The following SPIRE1 variants were observed in gnomAD, a reference collection of about 807,000 sequenced individuals.
The protein encoded by SPIRE1 is protein spire homolog 1.
A neutral mutation model predicts 94.1 loss-of-function variants in SPIRE1; 40 were observed. That is an observed-to-expected ratio of 0.43 (90% CI 0.33 to 0.55). The LOEUF is 0.55. Among genes scored for constraint, SPIRE1 ranks in the 20% least tolerant of loss-of-function variants. SPIRE1 has a pLI of 0.06. For missense variants in SPIRE1, 838 were observed against 975.2 expected, an observed-to-expected ratio of 0.86 and a Z score of 1.87; for synonymous variants, 376 against 371.7, an observed-to-expected ratio of 1.01 and a Z score of -0.13.
chr18:12,479,174 TTC>T (rs2032746562), intron 10 of SPIRE1, among the ~76,000 whole-genome samples: 1 of 146,520 alleles, frequency 6.8e-6, no homozygotes, highest in Non-Finnish European at 1.5e-5. Flanking sequence ...TTTTTTCTTT[TTC>T]TTTTTTTTTT....
intron 2 of SPIRE1, among the ~76,000 whole-genome samples, chr18:12,591,529 G>C (rs767039576): frequency 1.1e-4 from 16 of 152,200 alleles, no homozygotes; most frequent in Admixed American, 3.9e-4. Flanking sequence ...ATAGACTCTA[G>C]TAGAGTAAGG....
chr18:12,513,489 C>CTTTATTTA (rs10580270), intron 4 of SPIRE1, among the ~76,000 whole-genome samples: 37 of 142,928 alleles, frequency 2.6e-4, no homozygotes, highest in African/African-American at 6.7e-4. Flanking sequence ...GAATACTTAA[C>CTTTATTTA]TTTATTTATT....
intron 5 of SPIRE1, among the ~76,000 whole-genome samples, chr18:12,507,725 A>G (rs1057174489): frequency 3.8e-4 from 57 of 151,976 alleles, no homozygotes; most frequent in African/African-American, 1.4e-3. Flanking sequence ...ACATAAAATA[A>G]TACAAAATCT....
intron 2 of SPIRE1, among the ~76,000 whole-genome samples, chr18:12,581,169 C>A (rs1244464677): frequency 1.3e-5 from 2 of 152,004 alleles, no homozygotes; most frequent in Non-Finnish European, 2.9e-5. Flanking sequence ...ACCGGCAATC[C>A]CCAAGAAAGG....
intron 12 of SPIRE1, among the ~76,000 whole-genome samples, chr18:12,460,605 G>A (rs2031746034): frequency 6.6e-6 from 1 of 152,028 alleles, no homozygotes; most frequent in Non-Finnish European, 1.5e-5. Context: ...CCAACTACTT[G>A]GGAGGCTGAG....
intron 9 of SPIRE1, among the ~76,000 whole-genome samples, chr18:12,482,508 T>A (rs2032880481): frequency 6.6e-6 from 1 of 152,124 alleles, no homozygotes; most frequent in African/African-American, 2.4e-5. Flanking sequence ...AGAAAAAAAA[T>A]ACTGTATTTT....
chr18:12,485,974 T>A lies in SPIRE1; in HGVS notation c.1216A>T (p.Ser406Cys). 6.6e-7 allele frequency: 1 copy of A among 1,525,172 alleles called. No homozygotes were observed. The highest frequency in any genetic ancestry group is 8.8e-7 in the Non-Finnish European group (1 of 1,140,178). The allele number at this position is 1,525,172 out of a possible 1,614,324, so 94.5% of individuals were successfully genotyped here. Residue 406 changes from serine to cysteine, a missense_variant, in exon 9 of 17, where the codon AGT becomes TGT. This residue lies in a region of SPIRE1 where 645 missense variants were observed against 804.7 expected (regional missense o/e 0.80). Transcript: ENST00000409402. Reference protein sequence around the residue: ...LAMRPLSMSYSFDLSDVTTPE... With the variant: ...LAMRPLSMSYCFDLSDVTTPE... ...TTTTTTTTACCTGACAAGTCAAAAC[T>A]GTAAGACATGCTAAGTGGCCGCATT...
intron 2 of SPIRE1, among the ~76,000 whole-genome samples, chr18:12,630,453 G>T (rs766049770): frequency 6.6e-6 from 1 of 152,188 alleles, no homozygotes; most frequent in South Asian, 2.1e-4. Context: ...GAGGTTCCGA[G>T]TTCGAGACCA....
At chr18:12,622,280 T>C (rs541552956) in intron 2 of SPIRE1, among the ~76,000 whole-genome samples, 3 of 152,158 alleles carry the variant, frequency 2.0e-5, no homozygotes, top group Non-Finnish European at 4.4e-5. Flanking sequence ...AAAACACATC[T>C]GTGTAGCGTG....
chr18:12,562,986 T>G (rs1170121971), intron 2 of SPIRE1, among the ~76,000 whole-genome samples: 1 of 152,204 alleles, frequency 6.6e-6, no homozygotes, highest in Non-Finnish European at 1.5e-5. Context: ...ATGAGTATAT[T>G]TGAGAGATAT....
At chr18:12,617,555 C>T (rs1245821658) in intron 2 of SPIRE1, among the ~76,000 whole-genome samples, 3 of 152,068 alleles carry the variant, frequency 2.0e-5, no homozygotes, top group Admixed American at 6.6e-5. Flanking sequence ...GGATTATAGG[C>T]GCCTGCCACC....
chr18:12,579,200 T>TACACACACAC (rs60826359), intron 2 of SPIRE1, among the ~76,000 whole-genome samples: 3 of 119,102 alleles, frequency 2.5e-5, no homozygotes, highest in Admixed American at 7.6e-5. Context: ...CACACACACA[T>TACACACACAC]ACACACACAC....
rs1473501970 is a variant in SPIRE1, at chr18:12,485,949, T to G, written c.1231+10A>C. 1 of 1,523,150 alleles carries G rather than the reference T, an allele frequency of 6.6e-7. No homozygotes were observed. The highest frequency in any genetic ancestry group is 8.8e-7 in the Non-Finnish European group (1 of 1,132,568). The allele number at this position is 1,523,150 out of a possible 1,614,324, so 94.4% of individuals were successfully genotyped here. On this transcript the variant is annotated intron_variant, in intron 9 of 16. Coordinates refer to ENST00000409402, the MANE Select transcript of SPIRE1 (RefSeq NM_001128626.2). ...CACGTCAGGTGTAAAAGTGTTTTTG[T>G]TTTTTTTACCTGACAAGTCAAAACT...
chr18:12,642,423 A>G (rs2038111919), intron 1 of SPIRE1, among the ~76,000 whole-genome samples: 1 of 152,112 alleles, frequency 6.6e-6, no homozygotes, highest in African/African-American at 2.4e-5. Flanking sequence ...AAAAAATGAC[A>G]GCCTTGGATT....
intron 1 of SPIRE1, among the ~76,000 whole-genome samples, chr18:12,654,388 T>C (rs796964770): frequency 2.8e-4 from 42 of 147,690 alleles, no homozygotes; most frequent in African/African-American, 1.0e-3. Context: ...GGCTCACGCC[T>C]GTAATCCCAG....
intron 2 of SPIRE1, among the ~76,000 whole-genome samples, chr18:12,603,453 G>T (rs1178171691): frequency 1.3e-5 from 2 of 152,104 alleles, no homozygotes; most frequent in Non-Finnish European, 2.9e-5. Flanking sequence ...GCCACCCCTA[G>T]GTAGCTTCAG....
intron 2 of SPIRE1, among the ~76,000 whole-genome samples, chr18:12,621,377 T>C (rs2037463935): frequency 6.6e-6 from 1 of 152,272 alleles, no homozygotes; most frequent in South Asian, 2.1e-4. Flanking sequence ...TAGGTATATA[T>C]CCAAGAAAAA....
intron 2 of SPIRE1, among the ~76,000 whole-genome samples, chr18:12,625,099 G>T (rs1031247534): frequency 6.6e-6 from 1 of 152,108 alleles, no homozygotes; most frequent in African/African-American, 2.4e-5. Flanking sequence ...TATGCCAAGT[G>T]ACTGTCATAA....
chr18:12,462,030 ATCTG>A (rs1437566006), intron 12 of SPIRE1, among the ~76,000 whole-genome samples: 2 of 152,196 alleles, frequency 1.3e-5, no homozygotes, highest in African/African-American at 4.8e-5. Context: ...TTACGTTTGA[ATCTG>A]TCTGGTCAGA....
Sources: allele counts gnomAD v4.1 joint callset (sites outside exome capture counted in the v4.1 genomes callset), GRCh38; gene constraint gnomAD v4.1.1; regional missense constraint gnomAD v4.1.1; transcripts MANE v1.5; gene names NCBI Gene and HGNC (gene_info 2026-07-23, HGNC 2026-07-21).